The following ZNF385D variants were observed in gnomAD, a reference collection of about 807,000 sequenced individuals.
ZNF385D encodes the protein zinc finger protein 385D.
In ZNF385D, 15 loss-of-function variants were observed where a neutral mutation model predicts 35.8. That is an observed-to-expected ratio of 0.42 (90% CI 0.28 to 0.64). The LOEUF (loss-of-function observed/expected upper bound fraction) is 0.64. ZNF385D is among the 30% of genes least tolerant of loss of function. The probability of loss-of-function intolerance (pLI) is 0.23; values close to 1 mark genes in which losing one functional copy is unlikely to be tolerated. For missense variants in ZNF385D, 474 were observed against 494.6 expected (o/e 0.96, Z 0.39); for synonymous variants, 212 against 186.8 (o/e 1.13, Z -1.10).
intron 2 of ZNF385D, among the ~76,000 whole-genome samples, chr3:21,654,497 T>C (rs955978989): frequency 1.3e-5 from 2 of 152,044 alleles, no homozygotes; most frequent in Admixed American, 6.6e-5. Flanking sequence ...CCATACGTTA[T>C]ATGAATTACC....
At chr3:22,020,121 A>G (rs1697136957) in intron 3 of ZNF385D, among the ~76,000 whole-genome samples, 1 of 151,844 alleles carries the variant, frequency 6.6e-6, no homozygotes, top group African/African-American at 2.4e-5. Context: ...TAGTATATGG[A>G]CGCTCAGAAA....
chr3:21,777,589 C>T (rs1359660154), intron 3 of ZNF385D: 1 of 151,918 alleles, frequency 6.6e-6, no homozygotes, highest in Non-Finnish European at 1.5e-5. Flanking sequence ...TTCATTATAA[C>T]ATTTGTGAAG....
At chr3:21,484,626 CT>C (rs1371351313) in intron 4 of ZNF385D, among the ~76,000 whole-genome samples, 1 of 152,100 alleles carries the variant, frequency 6.6e-6, no homozygotes, top group Non-Finnish European at 1.5e-5. Context: ...TACCAGTGCC[CT>C]TTGGAGGGGG....
intron 2 of ZNF385D, among the ~76,000 whole-genome samples, chr3:21,652,963 G>T (rs989485949): frequency 5.9e-5 from 9 of 151,836 alleles, no homozygotes; most frequent in African/African-American, 2.2e-4. Context: ...AAGTTTCCTT[G>T]TTTTTTCCTT....
At chr3:21,804,696 T>G (rs765224008) in intron 3 of ZNF385D, among the ~76,000 whole-genome samples, 1 of 152,216 alleles carries the variant, frequency 6.6e-6, no homozygotes, top group African/African-American at 2.4e-5. Flanking sequence ...ATTATTTACC[T>G]AATTTAAACA....
intron 2 of ZNF385D, among the ~76,000 whole-genome samples, chr3:22,254,468 G>C (rs181990867): frequency 4.3e-4 from 66 of 151,828 alleles, no homozygotes; most frequent in Non-Finnish European, 7.4e-4. Context: ...TATCTTCCAT[G>C]TGTTTATATC....
chr3:21,627,270 T>TGC (rs1322916430), intron 2 of ZNF385D, among the ~76,000 whole-genome samples: 1 of 150,408 alleles, frequency 6.6e-6, no homozygotes, highest in African/African-American at 2.4e-5. Context: ...TGTGTGTGTG[T>TGC]GTGTGTGTGT....
At chr3:21,887,499 GTTTTAGT>G (rs1393800767) in intron 3 of ZNF385D, among the ~76,000 whole-genome samples, 1 of 152,046 alleles carries the variant, frequency 6.6e-6, no homozygotes, top group Non-Finnish European at 1.5e-5. Flanking sequence ...ATAACACTTT[GTTTTAGT>G]TTTTAAACAT....
chr3:22,030,911 G>T (rs1185092766), intron 3 of ZNF385D, among the ~76,000 whole-genome samples: 1 of 152,186 alleles, frequency 6.6e-6, no homozygotes, highest in Non-Finnish European at 1.5e-5. Context: ...TTAAGTAAAA[G>T]TTCCCATTCC....
At chr3:22,186,907 C>A (rs1695672638) in intron 2 of ZNF385D, among the ~76,000 whole-genome samples, 1 of 152,056 alleles carries the variant, frequency 6.6e-6, no homozygotes, top group African/African-American at 2.4e-5. Context: ...AATAATGTTA[C>A]TAACTACAAA....
At chr3:21,717,837 A>T (rs530494358) in intron 1 of ZNF385D, among the ~76,000 whole-genome samples, 2 of 152,074 alleles carry the variant, frequency 1.3e-5, no homozygotes, top group Non-Finnish European at 2.9e-5. Flanking sequence ...AGTCCATTAA[A>T]CTTCTTTTTC....
intron 2 of ZNF385D, among the ~76,000 whole-genome samples, chr3:22,338,698 ATTT>A (rs562729331): frequency 0.013 from 1,586 of 125,350 alleles, 15 homozygotes; most frequent in Non-Finnish European, 0.019. Context: ...TATTCATCTC[ATTT>A]TTTTTTTTTT....
chr3:22,091,475 G>A (rs1390504398), intron 3 of ZNF385D, among the ~76,000 whole-genome samples: 1 of 152,110 alleles, frequency 6.6e-6, no homozygotes, highest in Non-Finnish European at 1.5e-5. Context: ...GGGATGACTA[G>A]TAATCAGAAC....
chr3:22,137,681 G>C (rs1704236242), intron 3 of ZNF385D, among the ~76,000 whole-genome samples: 1 of 152,090 alleles, frequency 6.6e-6, no homozygotes, highest in African/African-American at 2.4e-5. Context: ...AAAATAATAA[G>C]AGCTATCTAT....
intron 1 of ZNF385D, among the ~76,000 whole-genome samples, chr3:21,730,020 T>C (rs960329256): frequency 6.6e-6 from 1 of 152,206 alleles, no homozygotes; most frequent in African/African-American, 2.4e-5. Flanking sequence ...AATGCTACCA[T>C]CTAACTTTGT....
rs550951351 is a variant in ZNF385D, at chr3:21,798,438, A to G, written c.326-133410T>C. Among the ~76,000 whole-genome samples, 72 of 152,282 alleles carry G rather than the reference A, an allele frequency of 4.7e-4. 1 individual carries two copies. The South Asian group carries it at 0.013, about 28-fold the overall frequency. ...GCGGGACCACACTCAACTCCTAGAG[A>G]CATCCTTGGGTCCTTACCATTGGTC... On this transcript the variant is annotated intron_variant, in intron 3 of 5. Transcript: ENST00000494108.
chr3:21,967,314 C>A (rs1430822917), intron 3 of ZNF385D, among the ~76,000 whole-genome samples: 1 of 152,074 alleles, frequency 6.6e-6, no homozygotes, highest in African/African-American at 2.4e-5. Context: ...AATTTACTGT[C>A]TTATATGTTG....
chr3:21,675,034 T>C (rs2066683133), intron 1 of ZNF385D, among the ~76,000 whole-genome samples: 1 of 152,010 alleles, frequency 6.6e-6, no homozygotes, highest in Non-Finnish European at 1.5e-5. Context: ...TTTTATTGTG[T>C]CCAAATTAAC....
At chr3:21,797,276 A>C (rs879939602) in intron 3 of ZNF385D, among the ~76,000 whole-genome samples, 5 of 152,196 alleles carry the variant, frequency 3.3e-5, no homozygotes, top group Admixed American at 6.5e-5. Context: ...AGTTAAAACA[A>C]TTGTGAGATG....
Sources: allele counts gnomAD v4.1 joint callset (sites outside exome capture counted in the v4.1 genomes callset), GRCh38; gene constraint gnomAD v4.1.1; transcripts MANE v1.5; gene names NCBI Gene and HGNC (gene_info 2026-07-23, HGNC 2026-07-21).